Variants in DAB1 observed in about 807,000 individuals in gnomAD.
DAB1 encodes disabled homolog 1.
A neutral mutation model predicts 64.6 loss-of-function variants in DAB1; 15 were observed. The observed-to-expected ratio is 0.23, with a 90% CI of 0.16 to 0.36. DAB1 has a LOEUF of 0.36. DAB1 is among the 10% of genes least tolerant of loss of function. DAB1 has a pLI of 1.00. For synonymous variants in DAB1, 235 were observed against 251.9 expected (o/e 0.93, Z 0.64); for missense variants, 596 against 706.7 (o/e 0.84, Z 1.78).
intron 3 of DAB1, among the ~76,000 whole-genome samples, chr1:58,502,612 A>G (rs1645924062): frequency 6.6e-6 from 1 of 152,218 alleles, no homozygotes. Flanking sequence ...CATAAAATAT[A>G]ATTTCAAAAT....
intron 1 of DAB1, among the ~76,000 whole-genome samples, chr1:57,371,201 A>G (rs559290532): frequency 6.6e-6 from 1 of 152,332 alleles, no homozygotes; most frequent in South Asian, 2.1e-4. Flanking sequence ...CAACCGAGGC[A>G]TGGAGACTGA....
intron 3 of DAB1, among the ~76,000 whole-genome samples, chr1:58,402,602 T>C (rs1313271920): frequency 2.0e-5 from 3 of 150,818 alleles, no homozygotes; most frequent in Non-Finnish European, 4.4e-5. Context: ...ATTCAATAAA[T>C]AGTTGTTCAA....
intron 6 of DAB1, among the ~76,000 whole-genome samples, chr1:57,651,157 A>C (rs1371523984): frequency 7.2e-6 from 1 of 138,184 alleles, no homozygotes; most frequent in Non-Finnish European, 1.5e-5. Flanking sequence ...TCAGTAAAAC[A>C]AAAAAAAAAA....
At chr1:58,056,328 C>T (rs751241478) in intron 5 of DAB1, 6 of 1,568,858 alleles carry the variant, frequency 3.8e-6, no homozygotes, top group Admixed American at 1.7e-5. Context: ...CAGAAATGTC[C>T]CTGACTGCTG....
intron 3 of DAB1, among the ~76,000 whole-genome samples, chr1:57,137,794 G>T (rs1056175955): frequency 5.9e-5 from 9 of 152,192 alleles, no homozygotes; most frequent in African/African-American, 2.2e-4. Context: ...CAGTTTTGGG[G>T]AATGGTTGGT....
intron 1 of DAB1, among the ~76,000 whole-genome samples, chr1:57,373,752 C>T (rs1410713012): frequency 6.6e-6 from 1 of 152,146 alleles, no homozygotes; most frequent in Non-Finnish European, 1.5e-5. Flanking sequence ...GGGAGGGTGG[C>T]TCTCGCGCCA....
At chr1:57,189,045 C>T (rs1385049767) in intron 2 of DAB1, among the ~76,000 whole-genome samples, 2 of 152,088 alleles carry the variant, frequency 1.3e-5, no homozygotes, top group African/African-American at 2.4e-5. Context: ...CCAATTCAGG[C>T]CTGTTGGACT....
At chr1:57,602,180 C>A (rs966928172) in intron 7 of DAB1, among the ~76,000 whole-genome samples, 2 of 152,122 alleles carry the variant, frequency 1.3e-5, no homozygotes, top group Non-Finnish European at 2.9e-5. Context: ...CCATAAATCT[C>A]CTAATCTGTG....
rs375821412 is a variant in DAB1 at position 58,074,564 on chromosome 1, G to GTATATATATATATATATATA, written n.387+75927_387+75946dup. 1.4e-3 allele frequency: 130 copies of GTATATATATATATATATATA among 91,592 alleles called. 1 individual carries two copies. Among genetic ancestry groups the GTATATATATATATATATATA allele is most frequent in the African/African-American group, 4.9e-3 (113 of 22,926 alleles). 5.7% of individuals were successfully genotyped at this position (91,592 alleles called of 1,614,324 possible). On this transcript the variant is annotated intron_variant and non_coding_transcript_variant, in intron 5 of 20. Coordinates refer to the DAB1 transcript ENST00000485760. ...TATATACACACATATATATATGTGTGTATATATATATATATATATATATAT... is the reference window on the plus strand; with the variant it reads ...TATATACACACATATATATATGTGTGTATATATATATATATATATATATATATATATATATATATATATAT...
chr1:57,504,978 G>A (rs1570579829), intron 7 of DAB1, among the ~76,000 whole-genome samples: 1 of 152,178 alleles, frequency 6.6e-6, no homozygotes, highest in African/African-American at 2.4e-5. Flanking sequence ...AGGAACTTAA[G>A]AAGACATGAT....
chr1:58,482,683 G>T (rs897482124), intron 3 of DAB1, among the ~76,000 whole-genome samples: 2 of 152,066 alleles, frequency 1.3e-5, no homozygotes, highest in Non-Finnish European at 2.9e-5. Context: ...TGACTTTGGG[G>T]GTCAAGAGGG....
intron 7 of DAB1, among the ~76,000 whole-genome samples, chr1:57,565,041 C>T (rs1645100903): frequency 6.6e-6 from 1 of 152,156 alleles, no homozygotes; most frequent in African/African-American, 2.4e-5. Context: ...GGGTTACCCA[C>T]AAAGGGAAGC....
chr1:57,395,623 A>G (rs982333037), intron 1 of DAB1, among the ~76,000 whole-genome samples: 5 of 152,166 alleles, frequency 3.3e-5, no homozygotes, highest in Non-Finnish European at 7.3e-5. Context: ...TACCTATACC[A>G]CAGTAGCTCC....
chr1:58,081,810 CT>C (rs948464434), intron 5 of DAB1, among the ~76,000 whole-genome samples: 3 of 151,958 alleles, frequency 2.0e-5, no homozygotes, highest in African/African-American at 4.8e-5. Flanking sequence ...TTCCCCATCT[CT>C]TTTTTTTCCC....
At chr1:57,652,407 T>A (rs1646267408) in intron 6 of DAB1, among the ~76,000 whole-genome samples, 1 of 152,122 alleles carries the variant, frequency 6.6e-6, no homozygotes, top group Non-Finnish European at 1.5e-5. Flanking sequence ...TGAAAAATCC[T>A]GCCCCAAAAT....
chr1:57,116,509 A>C (rs898392690), intron 4 of DAB1, among the ~76,000 whole-genome samples: 4 of 151,590 alleles, frequency 2.6e-5, no homozygotes, highest in African/African-American at 9.7e-5. Context: ...GGGAGAAGCT[A>C]TCCCAGTGTT....
At chr1:57,871,843 A>G (rs17519861) in intron 1 of DAB1, among the ~76,000 whole-genome samples, 36,406 of 152,062 alleles carry the variant, frequency 0.24, 5,125 homozygotes, top group Non-Finnish European at 0.32. Flanking sequence ...ATAAAACTAT[A>G]TGCACTACAG....
At chr1:57,970,336 G>C (rs1245780169) in intron 5 of DAB1, among the ~76,000 whole-genome samples, 5 of 152,142 alleles carry the variant, frequency 3.3e-5, no homozygotes, top group Admixed American at 3.3e-4. Context: ...ACATGGTAGA[G>C]AATACTACAG....
At chr1:58,153,068 G>C (rs977011752) in intron 4 of DAB1, among the ~76,000 whole-genome samples, 1 of 152,186 alleles carries the variant, frequency 6.6e-6, no homozygotes, top group African/African-American at 2.4e-5. Flanking sequence ...TGCAATATTA[G>C]TGACAATTTC....
Sources: allele counts gnomAD v4.1 joint callset (sites outside exome capture counted in the v4.1 genomes callset), GRCh38; gene constraint gnomAD v4.1.1; transcripts MANE v1.5; gene names NCBI Gene and HGNC (gene_info 2026-07-23, HGNC 2026-07-21).